GLIS1: variants seen among roughly 807,000 people sequenced by gnomAD.
GLIS1 encodes the protein zinc finger protein GLIS1.
GLIS1 carries 24 observed loss-of-function variants against 63.8 expected under a neutral mutation model. The ratio of observed to expected loss-of-function variants is 0.38; its 90% confidence interval spans 0.27 to 0.53. The LOEUF is 0.53. Among genes scored for constraint, GLIS1 ranks in the 20% least tolerant of loss-of-function variants. GLIS1 has a pLI of 0.85. For missense variants in GLIS1, 1,036 were observed against 1,074.1 expected, an observed-to-expected ratio of 0.96 and a Z score of 0.50; for synonymous variants, 450 against 482.5, an observed-to-expected ratio of 0.93 and a Z score of 0.88.
intron 4 of GLIS1, among the ~76,000 whole-genome samples, chr1:53,581,789 G>C (rs1295393834): frequency 6.6e-6 from 1 of 152,118 alleles, no homozygotes; most frequent in Non-Finnish European, 1.5e-5. Context: ...CAGAGCAAGA[G>C]AGAGGAGTGT....
chr1:53,576,117 G>A (rs779516296), intron 4 of GLIS1, among the ~76,000 whole-genome samples: 3 of 151,338 alleles, frequency 2.0e-5, no homozygotes, highest in South Asian at 2.1e-4. Flanking sequence ...TCCTGGAGAC[G>A]TGTACCCCGG....
intron 4 of GLIS1, among the ~76,000 whole-genome samples, chr1:53,575,991 C>T (rs184033861): frequency 4.2e-4 from 64 of 152,196 alleles, no homozygotes; most frequent in African/African-American, 1.3e-3. Context: ...CACTCCACAC[C>T]GTGCTTGCTG....
chr1:53,651,042 G>A lies in GLIS1; in HGVS notation c.260-50764C>T, dbSNP rs191130717. On this transcript the variant is annotated intron_variant, in intron 2 of 10. Coordinates refer to ENST00000628545, the MANE Select transcript of GLIS1 (RefSeq NM_001367484.1). Reference sequence around the variant, plus strand: ...AGTCTGAGAGGCCAGAGTCTGAGCCGTTTAACAGTCCAGTTCTGGCCTAGA... The same window carrying A: ...AGTCTGAGAGGCCAGAGTCTGAGCCATTTAACAGTCCAGTTCTGGCCTAGA... Among the ~76,000 whole-genome samples the A allele has an allele frequency of 5.3e-5, 8 of 152,306 alleles. No individual in the cohort carries two copies. In the East Asian group the frequency reaches 1.3e-3, roughly 26 times the overall value.
At chr1:53,699,459 T>A (rs1419865975) in intron 2 of GLIS1, among the ~76,000 whole-genome samples, 1 of 152,190 alleles carries the variant, frequency 6.6e-6, no homozygotes, top group Non-Finnish European at 1.5e-5. Context: ...CAGAAGTGCT[T>A]TTGATTTCTT....
At chr1:53,641,701 C>T (rs781583506) in intron 2 of GLIS1, among the ~76,000 whole-genome samples, 17 of 151,884 alleles carry the variant, frequency 1.1e-4, no homozygotes, top group Non-Finnish European at 2.1e-4. Flanking sequence ...CTGACGAGGG[C>T]GCACCAAAAA....
chr1:53,655,051 C>A (rs1212986756), intron 2 of GLIS1, among the ~76,000 whole-genome samples: 1 of 152,146 alleles, frequency 6.6e-6, no homozygotes, highest in African/African-American at 2.4e-5. Flanking sequence ...GTGACGGGGC[C>A]TAGTGCACAG....
chr1:53,707,260 T>C (rs1387202051), intron 2 of GLIS1, among the ~76,000 whole-genome samples: 3 of 152,194 alleles, frequency 2.0e-5, no homozygotes, highest in Non-Finnish European at 4.4e-5. Flanking sequence ...GGCTGCCATT[T>C]AAGACCATGA....
chr1:53,701,991 TA>T (rs1646527725), intron 2 of GLIS1, among the ~76,000 whole-genome samples: 1 of 51,976 alleles, frequency 1.9e-5, no homozygotes, highest in African/African-American at 7.7e-5. Flanking sequence ...AGGCTCTACC[TA>T]AAAAAGAAAA....
chr1:53,596,649 T>C (rs1645258477), intron 3 of GLIS1, among the ~76,000 whole-genome samples: 1 of 152,270 alleles, frequency 6.6e-6, no homozygotes, highest in South Asian at 2.1e-4. Flanking sequence ...TGTGGGGTCA[T>C]CACCTGTCCC....
intron 2 of GLIS1, among the ~76,000 whole-genome samples, chr1:53,605,196 T>TGGA (rs1645358024): frequency 1.3e-5 from 2 of 152,094 alleles, no homozygotes; most frequent in Non-Finnish European, 2.9e-5. Context: ...GCCTGGCTCC[T>TGGA]GGTGGGCATT....
chr1:53,715,486 GGGCTT>G (rs2100535670), intron 2 of GLIS1, among the ~76,000 whole-genome samples: 1 of 152,300 alleles, frequency 6.6e-6, no homozygotes, highest in East Asian at 1.9e-4. Context: ...GGCGGACAGA[GGGCTT>G]TCAAAGTGAC....
rs375742600 is a variant in GLIS1, at chr1:53,537,223, G to A, written c.1321-7271C>T. Among the ~76,000 whole-genome samples, 3 of 152,200 alleles carry A rather than the reference G, an allele frequency of 2.0e-5. No homozygotes were observed. In the South Asian group the frequency reaches 6.2e-4, roughly 32 times the overall value. On this transcript the variant is annotated intron_variant, in intron 4 of 10. Coordinates refer to ENST00000628545, the MANE Select transcript of GLIS1 (RefSeq NM_001367484.1). Reference sequence around the variant, plus strand: ...GGGGGAGGGCTGAAGCCCAAGATCCGCTGGGGGCTGGCTCAGACGTTCAAG... The same window carrying A: ...GGGGGAGGGCTGAAGCCCAAGATCCACTGGGGGCTGGCTCAGACGTTCAAG...
Position 53,526,287 on chromosome 1 carries a change from G to A in GLIS1, c.1483-1400C>T, listed in dbSNP as rs879797133. ...AGGCCAGGCCAACCTCAGACCCAGG[G>A]AGAGGTACCCATGGCCCTGGGACCT... On this transcript the variant is annotated intron_variant, in intron 5 of 10. Coordinates refer to ENST00000628545, the MANE Select transcript of GLIS1 (RefSeq NM_001367484.1). The surrounding 1 kb of genome is among the most constrained non-coding windows in gnomAD (Gnocchi z 4.4). Among the ~76,000 whole-genome samples the A allele has an allele frequency of 8.5e-5, 13 of 152,192 alleles. No individual in the cohort carries two copies. Among genetic ancestry groups the A allele is most frequent in the Non-Finnish European group, 1.6e-4 (11 of 68,034 alleles).
At chr1:53,534,024 G>A (rs917988658) in intron 4 of GLIS1, among the ~76,000 whole-genome samples, 1 of 152,052 alleles carries the variant, frequency 6.6e-6, no homozygotes, top group Non-Finnish European at 1.5e-5. Flanking sequence ...CCCAGCCCAG[G>A]GGGAGCTCTC....
In GLIS1 at chr1:53,678,046, C is replaced by G. The variant is rs531626202; in HGVS notation, c.259+59760G>C. 2.0e-5 allele frequency among the ~76,000 whole-genome samples: 3 copies of G among 152,170 alleles called. No individual in the cohort carries two copies. The East Asian group carries it at 5.8e-4, about 29-fold the overall frequency. ...AGCCCCCAAACGTGGGATTCCTCCA[C>G]AGTTCCCTGGCACCACCGGCTCCTT... On this transcript the variant is annotated intron_variant, in intron 2 of 10. Coordinates refer to ENST00000628545, the MANE Select transcript of GLIS1 (RefSeq NM_001367484.1).
At chr1:53,693,117 T>C (rs967090974) in intron 2 of GLIS1, among the ~76,000 whole-genome samples, 1 of 152,176 alleles carries the variant, frequency 6.6e-6, no homozygotes, top group Non-Finnish European at 1.5e-5. Context: ...TACATTCCAC[T>C]CTGCAGACAA....
chr1:53,730,161 G>A (rs755532541), intron 2 of GLIS1, among the ~76,000 whole-genome samples: 4 of 152,044 alleles, frequency 2.6e-5, no homozygotes, highest in African/African-American at 9.7e-5. Flanking sequence ...TTAAACCGTC[G>A]TCTTGGGATG....
chr1:53,580,735 C>T (rs897720286), intron 4 of GLIS1, among the ~76,000 whole-genome samples: 3 of 152,042 alleles, frequency 2.0e-5, no homozygotes, highest in Admixed American at 2.0e-4. Flanking sequence ...TGGAAGAGAA[C>T]ACGTGCCTAA....
intron 4 of GLIS1, among the ~76,000 whole-genome samples, chr1:53,570,298 T>A (rs1006469264): frequency 2.0e-5 from 3 of 151,146 alleles, no homozygotes; most frequent in Non-Finnish European, 4.4e-5. Flanking sequence ...AAAAAAAAAA[T>A]TGTTTAGAGA....
Sources: gnomAD v4.1 joint callset for allele counts (sites outside exome capture counted in the v4.1 genomes callset) on GRCh38, gnomAD v4.1.1 for gene constraint, Gnocchi (gnomAD v3.1) non-coding constraint, MANE v1.5 for transcripts, NCBI Gene and HGNC (gene_info 2026-07-23, HGNC 2026-07-21) for gene names.